The following AGAP1 variants were observed in gnomAD, a reference collection of about 807,000 sequenced individuals.
AGAP1 encodes the protein arf-GAP with GTPase, ANK repeat and PH domain-containing protein 1.
A neutral mutation model predicts 105.3 loss-of-function variants in AGAP1; 29 were observed. That is an observed-to-expected ratio of 0.28 (90% confidence interval 0.21 to 0.38). AGAP1 has a LOEUF of 0.38. Ranked by LOEUF, AGAP1 falls within the 10% of genes least tolerant of loss-of-function variation. AGAP1 has a pLI of 1.00. For synonymous variants in AGAP1, 509 were observed against 485.9 expected (o/e 1.05, Z -0.63); for missense variants, 998 against 1,165.1 (o/e 0.86, Z 2.09).
At chr2:235,523,638 G>T (rs1438544214) in intron 1 of AGAP1, among the ~76,000 whole-genome samples, 2 of 152,156 alleles carry the variant, frequency 1.3e-5, no homozygotes, top group Admixed American at 6.5e-5. Flanking sequence ...GGGATGAAAT[G>T]GCAGGTGTTA....
At chr2:235,618,443 C>T (rs56393249) in intron 1 of AGAP1, among the ~76,000 whole-genome samples, 41,826 of 151,968 alleles carry the variant, frequency 0.28, 5,936 homozygotes, top group South Asian at 0.39. Flanking sequence ...TAATTGACCT[C>T]CTGCAGGTCT....
chr2:235,590,684 T>C (rs183973860), intron 1 of AGAP1, among the ~76,000 whole-genome samples: 4,784 of 102,708 alleles, frequency 0.047, 134 homozygotes, highest in Middle Eastern at 0.077. Context: ...TGTGTGTGTG[T>C]GCGTGTGCGT....
In AGAP1 at chr2:235,934,965, C is replaced by G. The variant is rs1163316722; in HGVS notation, c.1483+4042C>G. On this transcript the variant is annotated intron_variant, in intron 12 of 17. Transcript: ENST00000304032. The surrounding 1 kb of genome is among the most constrained non-coding windows in gnomAD (Gnocchi z 4.9). Reference sequence around the variant, plus strand: ...AAGTCTCCTCTCTAGACACACCGGTCCCCCCGGGGTTTCTTCCTTTAAAGC... The same window carrying G: ...AAGTCTCCTCTCTAGACACACCGGTGCCCCCGGGGTTTCTTCCTTTAAAGC... 6.6e-6 allele frequency among the ~76,000 whole-genome samples: 1 copy of G among 152,160 alleles called. No individual in the cohort carries two copies. Among genetic ancestry groups the G allele is most frequent in the Non-Finnish European group, 1.5e-5 (1 of 68,044 alleles).
intron 11 of AGAP1, among the ~76,000 whole-genome samples, chr2:235,915,489 G>C (rs536797209): frequency 5.3e-5 from 8 of 151,848 alleles, no homozygotes. Flanking sequence ...GATTAATCTA[G>C]GCAACATGGT....
intron 1 of AGAP1, among the ~76,000 whole-genome samples, chr2:235,500,805 G>A (rs1020479617): frequency 2.0e-5 from 3 of 152,210 alleles, no homozygotes; most frequent in African/African-American, 7.2e-5. Context: ...AGAGACTGGA[G>A]AGGAGACCTA....
chr2:235,764,352 G>A (rs1468915582), intron 6 of AGAP1, among the ~76,000 whole-genome samples: 1 of 152,124 alleles, frequency 6.6e-6, no homozygotes, highest in Non-Finnish European at 1.5e-5. Context: ...CACCACGGTC[G>A]CTTCAGCCCC....
intron 1 of AGAP1, among the ~76,000 whole-genome samples, chr2:235,652,966 T>C (rs762337179): frequency 3.3e-5 from 5 of 151,988 alleles, no homozygotes; most frequent in Non-Finnish European, 7.4e-5. Context: ...AGAGCCAGAC[T>C]CTGTCTCGAA....
intron 1 of AGAP1, among the ~76,000 whole-genome samples, chr2:235,636,115 G>GTAAATAAATAAA (rs10587179): frequency 0.023 from 3,373 of 143,998 alleles, 83 homozygotes; most frequent in African/African-American, 0.062. Flanking sequence ...CTCTGTCTCA[G>GTAAATAAATAAA]TAAATAAATA....
Position 235,717,648 on chromosome 2 carries a change from T to G in AGAP1, c.310+4T>G. ...GTCCAGGAGGAGTCTCCGGAAGGTA[T>G]GCTGTTTGGCAGGCAGTTGCAAACT... On this transcript the variant is annotated splice_donor_region_variant and intron_variant, in intron 3 of 17. Transcript: ENST00000304032. The G allele has an allele frequency of 1.3e-6, 2 of 1,598,616 alleles. No homozygotes were observed. The highest frequency in any genetic ancestry group is 1.7e-6 in the Non-Finnish European group (2 of 1,176,466).
In AGAP1 at chr2:235,723,316, C is replaced by T. The variant is rs189386173; in HGVS notation, c.310+5672C>T. On this transcript the variant is annotated intron_variant, in intron 3 of 17. Coordinates refer to ENST00000304032, the MANE Select transcript of AGAP1 (RefSeq NM_001037131.3). This position sits in a 1 kb window ranked among gnomAD's most constrained non-coding sequence, Gnocchi z 6.2. ...TGTTTATGTGCTTAATATTCAGCGT[C>T]CCCCAACACAGACCCCACATGATGC... 2.1e-4 allele frequency among the ~76,000 whole-genome samples: 32 copies of T among 152,244 alleles called. No homozygotes were observed. Among genetic ancestry groups the T allele is most frequent in the Admixed American group, 1.8e-3 (28 of 15,296 alleles).
intron 5 of AGAP1, among the ~76,000 whole-genome samples, chr2:235,749,070 A>G (rs1953206191): frequency 6.6e-6 from 1 of 152,152 alleles, no homozygotes; most frequent in African/African-American, 2.4e-5. Flanking sequence ...TTAGCTGGGC[A>G]TGGTGGTGAG....
intron 9 of AGAP1, among the ~76,000 whole-genome samples, chr2:235,833,208 C>T (rs995857333): frequency 6.6e-5 from 10 of 152,210 alleles, no homozygotes; most frequent in Non-Finnish European, 1.5e-4. Context: ...GAAGCACCGT[C>T]GGCCTGCCGC....
chr2:235,938,225 G>A (rs969958193), intron 12 of AGAP1, among the ~76,000 whole-genome samples: 1 of 152,230 alleles, frequency 6.6e-6, no homozygotes, highest in Non-Finnish European at 1.5e-5. Context: ...CAGATGAGGA[G>A]ATGAGTGCCA....
At chr2:236,074,370 T>C (rs1369014972) in intron 16 of AGAP1, among the ~76,000 whole-genome samples, 1 of 152,196 alleles carries the variant, frequency 6.6e-6, no homozygotes, top group Non-Finnish European at 1.5e-5. Context: ...TTGGGACGAC[T>C]TTGGATCAGC....
Position 235,882,568 on chromosome 2 carries a change from A to G in AGAP1, c.1051-777A>G, listed in dbSNP as rs944634427. 3.0e-6 allele frequency: 2 copies of G among 663,662 alleles called. No homozygotes were observed. The highest frequency in any genetic ancestry group is 1.9e-5 in the African/African-American group (1 of 53,908). The allele number at this position is 663,662 out of a possible 1,614,324, so 41.1% of individuals were successfully genotyped here. A position where few individuals can be genotyped will look rare whatever the true frequency, so the allele number is the denominator to read the frequency against. On this transcript the variant is annotated intron_variant, in intron 9 of 17. Coordinates refer to ENST00000304032, the MANE Select transcript of AGAP1 (RefSeq NM_001037131.3). This position sits in a 1 kb window ranked among gnomAD's most constrained non-coding sequence, Gnocchi z 4.6. ...ACACTCTGCCTCCTGGGTTCAAGCAATTCCCCTGCTCAGCCTCCCCGAGTA... is the reference window on the plus strand; with the variant it reads ...ACACTCTGCCTCCTGGGTTCAAGCAGTTCCCCTGCTCAGCCTCCCCGAGTA...
chr2:235,506,240 T>A (rs1035462635), intron 1 of AGAP1, among the ~76,000 whole-genome samples: 3 of 152,138 alleles, frequency 2.0e-5, no homozygotes, highest in African/African-American at 7.2e-5. Context: ...CCTGTTTTAT[T>A]TATTTATTTA....
In AGAP1 at chr2:235,971,779, T is replaced by TGA. The variant is rs1392364567; in HGVS notation, c.1645+3156_1645+3157insGA. The stretch of plus-strand genomic sequence containing the variant: ...TTTATTTATTTATTTATTTATTTAT[T>TGA]TATTTATTGTATTTTTTGAGACAGG... On this transcript the variant is annotated intron_variant, in intron 13 of 17. Transcript: ENST00000304032. This position sits in a 1 kb window ranked among gnomAD's most constrained non-coding sequence, Gnocchi z 4.8. 3.5e-3 allele frequency among the ~76,000 whole-genome samples: 519 copies of TGA among 146,982 alleles called. 6 individuals carry two copies. Among genetic ancestry groups the TGA allele is most frequent in the African/African-American group, 0.012 (492 of 40,808 alleles).
In AGAP1 at chr2:236,002,228, GAAAAT is replaced by G. The variant is rs2056151745; in HGVS notation, c.1645+33609_1645+33613del. Among the ~76,000 whole-genome samples, 1 of 152,234 alleles carries G rather than the reference GAAAAT, an allele frequency of 6.6e-6. No homozygotes were observed. The highest frequency in any genetic ancestry group is 2.1e-4 in the South Asian group (1 of 4,836). On this transcript the variant is annotated intron_variant, in intron 13 of 17. Coordinates refer to ENST00000304032, the MANE Select transcript of AGAP1 (RefSeq NM_001037131.3). The surrounding 1 kb of genome is among the most constrained non-coding windows in gnomAD (Gnocchi z 4.3). ...GTGTGGTAGGCACGTGCTGGGCACTGAAAATAAACAGACAAACACAACATGACCCA... is the reference window on the plus strand; with the variant it reads ...GTGTGGTAGGCACGTGCTGGGCACTGAAACAGACAAACACAACATGACCCA...
intron 1 of AGAP1, among the ~76,000 whole-genome samples, chr2:235,693,670 A>G (rs1949853475): frequency 6.6e-6 from 1 of 152,218 alleles, no homozygotes; most frequent in Non-Finnish European, 1.5e-5. Flanking sequence ...CCTGGGCAAC[A>G]TAGTGAGGCC....
Sources: allele counts gnomAD v4.1 joint callset (sites outside exome capture counted in the v4.1 genomes callset), GRCh38; gene constraint gnomAD v4.1.1; non-coding constraint Gnocchi (gnomAD v3.1); transcripts MANE v1.5; gene names NCBI Gene and HGNC (gene_info 2026-07-23, HGNC 2026-07-21).